Variants in TMEM130 observed in about 807,000 individuals in gnomAD.
The protein encoded by TMEM130 is transmembrane protein 130.
Under a neutral mutation model 42.9 loss-of-function variants are expected in TMEM130, and 37 were observed. That is an observed-to-expected ratio of 0.86 (90% CI 0.66 to 1.13). TMEM130 has a LOEUF of 1.13. Among genes scored for constraint, TMEM130 ranks in the 50% most tolerant of loss-of-function variants. The pLI is 0.00. For synonymous variants in TMEM130, 259 were observed against 237.7 expected, an observed-to-expected ratio of 1.09 and a Z score of -0.82; for missense variants, 545 against 562.6, an observed-to-expected ratio of 0.97 and a Z score of 0.32.
intron 3 of TMEM130, among the ~76,000 whole-genome samples, chr7:98,858,178 C>A (rs1794677174): frequency 6.6e-6 from 1 of 151,776 alleles, no homozygotes; most frequent in Non-Finnish European, 1.5e-5. Flanking sequence ...CCAGCAACTT[C>A]TTTTTCTAGT....
intron 5 of TMEM130, among the ~76,000 whole-genome samples, chr7:98,853,981 C>T (rs1422221432): frequency 6.6e-6 from 1 of 152,078 alleles, no homozygotes; most frequent in Admixed American, 6.6e-5. Flanking sequence ...CTGGTGCAAG[C>T]TCCCCTGTGC....
chr7:98,858,786 A>G (rs1794690067), intron 3 of TMEM130, among the ~76,000 whole-genome samples: 2 of 152,114 alleles, frequency 1.3e-5, no homozygotes, highest in African/African-American at 4.8e-5. Context: ...TGGGAGGTCA[A>G]GGCGGCAGTG....
intron 1 of TMEM130, 35 bp from the exon 2 acceptor site, chr7:98,863,435 TG>T: frequency 2.0e-6 from 3 of 1,528,212 alleles, no homozygotes; most frequent in Non-Finnish European, 1.8e-6. Flanking sequence ...TGTTTCAGAA[TG>T]GTGTGTGGCA....
chr7:98,851,342 G>A (rs1266940430), intron 6 of TMEM130, 79 bp downstream of exon 6: 13 of 1,425,864 alleles, frequency 9.1e-6, no homozygotes, highest in African/African-American at 1.4e-5. Context: ...GCTGGTAGGA[G>A]CGTATTGGTG....
At chr7:98,849,335 G>T (rs1248387392) in intron 6 of TMEM130, among the ~76,000 whole-genome samples, 1 of 152,194 alleles carries the variant, frequency 6.6e-6, no homozygotes, top group Non-Finnish European at 1.5e-5. Context: ...GAAGAGGGGT[G>T]TTGATGTGTG....
intron 1 of TMEM130, among the ~76,000 whole-genome samples, chr7:98,868,273 T>C (rs1338434109): frequency 6.6e-6 from 1 of 152,126 alleles, no homozygotes; most frequent in Non-Finnish European, 1.5e-5. Context: ...CCATGTGACA[T>C]GGAGTTGGGG....
chr7:98,850,585 T>C (rs1245074808), intron 6 of TMEM130, among the ~76,000 whole-genome samples: 1 of 151,956 alleles, frequency 6.6e-6, no homozygotes, highest in East Asian at 1.9e-4. Context: ...GTCCTATTTT[T>C]ATATCTTTTG....
At chr7:98,862,791 C>T (rs966639830) in intron 2 of TMEM130, among the ~76,000 whole-genome samples, 6 of 152,162 alleles carry the variant, frequency 3.9e-5, no homozygotes, top group African/African-American at 1.4e-4. Flanking sequence ...TGAGCCACCG[C>T]GCCCAGCTGA....
At chr7:98,850,273 A>ATATATATATATTTTTTTTTTTTTTTTTT in intron 6 of TMEM130, among the ~76,000 whole-genome samples, 29 of 35,404 alleles carry the variant, frequency 8.2e-4, no homozygotes, top group Non-Finnish European at 1.2e-3. Context: ...ATATATATAT[A>ATATATATATATTTTTTTTTTTTTTTTTT]TTTTTTTTTT....
chr7:98,855,672 T>G (rs1048711319), intron 4 of TMEM130, among the ~76,000 whole-genome samples: 1 of 151,992 alleles, frequency 6.6e-6, no homozygotes, highest in Non-Finnish European at 1.5e-5. Context: ...CAGGGAGAGA[T>G]AGAGACCCTC....
chr7:98,856,224 C>T (rs372402427), intron 3 of TMEM130, 41 bp from the exon 4 acceptor site: 699 of 1,592,464 alleles, frequency 4.4e-4, no homozygotes, highest in Non-Finnish European at 5.3e-4. Flanking sequence ...AGACAGCAGA[C>T]GGTTGCTTCC....
chr7:98,852,067 C>T (rs782236143), intron 5 of TMEM130, among the ~76,000 whole-genome samples: 31 of 152,200 alleles, frequency 2.0e-4, no homozygotes, highest in Non-Finnish European at 4.3e-4. Flanking sequence ...CTGCCTCAGC[C>T]TCCCGAGTAG....
Position 98,869,946 on chromosome 7 carries a change from G to C in TMEM130, c.-85C>G, listed in dbSNP as rs1794996955. 2.0e-6 allele frequency: 2 copies of C among 1,008,908 alleles called. No homozygotes were observed. Among genetic ancestry groups the C allele is most frequent in the Non-Finnish European group, 2.6e-6 (2 of 779,118 alleles). 62.5% of individuals were successfully genotyped at this position (1,008,908 alleles called of 1,614,324 possible). ...GAGAACTGCGGCGGTCGCTCCTCCG[G>C]GCGCGCAGCGCGGGCGGTGCGGGGA... is the stretch of plus-strand genomic sequence containing the variant. On this transcript the variant is annotated 5_prime_UTR_variant, in exon 1 of 8. Coordinates refer to ENST00000339375, the MANE Select transcript of TMEM130 (RefSeq NM_152913.3). This position sits in a 1 kb window ranked among gnomAD's most constrained non-coding sequence, Gnocchi z 4.7.
intron 4 of TMEM130, among the ~76,000 whole-genome samples, 180 bp downstream of exon 4, chr7:98,855,837 A>G (rs1311988676): frequency 6.6e-5 from 10 of 152,206 alleles, no homozygotes; most frequent in Non-Finnish European, 1.5e-4. Context: ...GCACAGCCAC[A>G]TGATCCCATC....
chr7:98,867,590 A>G (rs554048769), intron 1 of TMEM130, among the ~76,000 whole-genome samples: 21 of 152,158 alleles, frequency 1.4e-4, no homozygotes, highest in African/African-American at 4.8e-4. Flanking sequence ...GCATGTTATC[A>G]CGCAGATCGG....
In TMEM130 at chr7:98,855,298, C is replaced by T; in HGVS notation, c.745G>A (p.Gly249Arg). The T allele has an allele frequency of 6.2e-7, 1 of 1,613,266 alleles. No individual in the cohort carries two copies. Among genetic ancestry groups the T allele is most frequent in the Non-Finnish European group, 8.5e-7 (1 of 1,179,556 alleles). Residue 249 changes from glycine to arginine, a missense_variant, in exon 5 of 8, where the codon GGG becomes AGG. Gly to Arg is a moderately radical substitution (Grantham distance 125, BLOSUM62 -2). Transcript: ENST00000339375. Reference sequence around the variant, plus strand: ...TGGAAGGTCTGAATTAGGGTGGGCCCCAACACTTGGATGCCTCGAAGGGTT... The same window carrying T: ...TGGAAGGTCTGAATTAGGGTGGGCCTCAACACTTGGATGCCTCGAAGGGTT... ...QETLRGIQVL[G>R]PTLIQTFQKM...
Position 98,851,641 on chromosome 7 carries a change from C to A in TMEM130, c.804-18G>T. On this transcript the variant is annotated intron_variant, in intron 5 of 7. Transcript: ENST00000339375. ...GAGGAGGGCTGCAGGGAAATGGGGG[C>A]GGTTTTTAAGAAAAGGCTCAGCAAA... 2 of 1,591,256 alleles carry A rather than the reference C, an allele frequency of 1.3e-6. No homozygotes were observed. The highest frequency in any genetic ancestry group is 1.3e-5 in the African/African-American group (1 of 74,564).
At chr7:98,853,311 T>C (rs1794553572) in intron 5 of TMEM130, among the ~76,000 whole-genome samples, 1 of 152,204 alleles carries the variant, frequency 6.6e-6, no homozygotes, top group South Asian at 2.1e-4. Flanking sequence ...CCCTCTCATG[T>C]GTCTCTGTGT....
At chr7:98,866,721 C>G (rs1281069801) in intron 1 of TMEM130, 2 of 152,244 alleles carry the variant, frequency 1.3e-5, no homozygotes, top group East Asian at 3.8e-4. Context: ...CAGCTCCGAC[C>G]TTTCCTCAGG....
Sources: gnomAD v4.1 joint callset for allele counts (sites outside exome capture counted in the v4.1 genomes callset) on GRCh38, gnomAD v4.1.1 for gene constraint, Gnocchi (gnomAD v3.1) non-coding constraint, MANE v1.5 for transcripts, NCBI Gene and HGNC (gene_info 2026-07-23, HGNC 2026-07-21) for gene names.